The following SNTB2 variants were observed in gnomAD, a reference collection of about 807,000 sequenced individuals.
The protein encoded by SNTB2 is beta-2-syntrophin.
In SNTB2, 34 loss-of-function variants were observed where a neutral mutation model predicts 46.2. That is an observed-to-expected ratio of 0.74 (90% CI 0.56 to 0.98). The LOEUF (loss-of-function observed/expected upper bound fraction) is 0.98, where lower values mean the gene tolerates loss of function less well. SNTB2 is among the 50% of genes least tolerant of loss of function. The probability of loss-of-function intolerance (pLI) is 0.00; values close to 1 mark genes in which losing one functional copy is unlikely to be tolerated. For synonymous variants in SNTB2, 290 were observed against 312.6 expected, an observed-to-expected ratio of 0.93 and a Z score of 0.76; for missense variants, 603 against 731.4, an observed-to-expected ratio of 0.82 and a Z score of 2.02.
rs181553596 is a variant in SNTB2, at chr16:69,244,426, G to C, written c.581-1176G>C. 5.9e-5 allele frequency among the ~76,000 whole-genome samples: 9 copies of C among 152,182 alleles called. No homozygotes were observed. In the East Asian group the frequency reaches 1.7e-3, roughly 29 times the overall value. On this transcript the variant is annotated intron_variant, in intron 1 of 6. Transcript: ENST00000336278. ...TGGAGACAGGGTAGCTAGAAATCTG[G>C]ACTTTTATTATAAAACCTTTTATAC...
rs750332138 is a variant in SNTB2, at chr16:69,260,212, A to G, written c.957A>G (p.Thr319=). 5 of 1,614,046 alleles carry G rather than the reference A, an allele frequency of 3.1e-6. No individual in the cohort carries two copies. In the African/African-American group the frequency reaches 4.0e-5, roughly 13 times the overall value. ...ELNAMLGATS[T]AGGSKEVKHI... The stretch of plus-strand genomic sequence containing the variant: ...ACGCCATGCTTGGGGCAACCAGTAC[A>G]GCAGGAGGCAGTAAAGAGGTGAAGC... The change falls in exon 3 of 7, where the codon ACA becomes ACG. Residue 319 remains threonine, a synonymous_variant. Coordinates refer to ENST00000336278, the MANE Select transcript of SNTB2 (RefSeq NM_006750.4).
intron 1 of SNTB2, among the ~76,000 whole-genome samples, chr16:69,226,643 C>T (rs887362201): frequency 6.6e-6 from 1 of 152,164 alleles, no homozygotes; most frequent in Non-Finnish European, 1.5e-5. Context: ...AGTCCTCCCA[C>T]GTCAGTGTCC....
intron 3 of SNTB2, 100 bp downstream of exon 3, chr16:69,260,360 C>T: frequency 9.5e-7 from 1 of 1,049,002 alleles, no homozygotes; most frequent in Non-Finnish European, 1.4e-6. Flanking sequence ...CAGTTAGGAC[C>T]TGGATATCTA....
chr16:69,203,287 G>T (rs1964182926), intron 1 of SNTB2, among the ~76,000 whole-genome samples: 1 of 152,094 alleles, frequency 6.6e-6, no homozygotes, highest in Non-Finnish European at 1.5e-5. Flanking sequence ...CAAAGTGCTG[G>T]GATTACAGGC....
In SNTB2 at chr16:69,303,188, A is replaced by G. The variant is rs8053471; in HGVS notation, c.*2264A>G. On this transcript the variant is annotated 3_prime_UTR_variant, in exon 7 of 7. Coordinates refer to ENST00000336278, the MANE Select transcript of SNTB2 (RefSeq NM_006750.4). ...GGCCCACAATAAATTTTCATTTCAG[A>G]GAAGGAAAAAAATCTCTTGAACGTC... is the stretch of plus-strand genomic sequence containing the variant. The G allele has an allele frequency of 0.25, 38,123 of 152,102 alleles. 5,115 individuals are homozygous for G. Among genetic ancestry groups the G allele is most frequent in the African/African-American group, 0.31 (12,785 of 41,478 alleles). The allele number at this position is 152,102 out of a possible 1,614,324, so 9.4% of individuals were successfully genotyped here.
intron 1 of SNTB2, among the ~76,000 whole-genome samples, chr16:69,216,703 T>C (rs1471772887): frequency 6.9e-6 from 1 of 144,662 alleles, no homozygotes; most frequent in Non-Finnish European, 1.5e-5. Flanking sequence ...CAAAAAAAAA[T>C]AGAAGTAATG....
intron 1 of SNTB2, among the ~76,000 whole-genome samples, chr16:69,222,747 A>T (rs1038597419): frequency 3.3e-5 from 5 of 152,148 alleles, no homozygotes; most frequent in African/African-American, 1.2e-4. Context: ...TGACTATTTT[A>T]TCTCTTTTCC....
At chr16:69,225,513 T>C (rs1346896381) in intron 1 of SNTB2, among the ~76,000 whole-genome samples, 2 of 152,254 alleles carry the variant, frequency 1.3e-5, no homozygotes, top group Non-Finnish European at 2.9e-5. Context: ...AGTATTTTTA[T>C]ATTTTTCAGT....
intron 4 of SNTB2, 54 bp from the exon 5 acceptor site, chr16:69,283,994 A>AT: frequency 1.4e-6 from 2 of 1,479,284 alleles, no homozygotes; most frequent in Non-Finnish European, 1.8e-6. Context: ...AATTCCTGAC[A>AT]TTTTTGTCTG....
At chr16:69,282,689 G>A (rs1458265898) in intron 4 of SNTB2, among the ~76,000 whole-genome samples, 2 of 86,840 alleles carry the variant, frequency 2.3e-5, no homozygotes, top group Admixed American at 1.0e-4. Context: ...AAAGAGAACT[G>A]ACATCTTAAT....
At chr16:69,242,506 A>G (rs1964627494) in intron 1 of SNTB2, among the ~76,000 whole-genome samples, 1 of 152,224 alleles carries the variant, frequency 6.6e-6, no homozygotes, top group Non-Finnish European at 1.5e-5. Context: ...AATAAATACT[A>G]TGGACTTAAC....
At chr16:69,293,424 A>G (rs540578922) in intron 5 of SNTB2, among the ~76,000 whole-genome samples, 8 of 152,342 alleles carry the variant, frequency 5.3e-5, no homozygotes, top group African/African-American at 1.9e-4. Context: ...AGTGCCAAGT[A>G]GGATGAGGCT....
At chr16:69,269,127 C>G (rs1964913694) in intron 3 of SNTB2, among the ~76,000 whole-genome samples, 2 of 151,546 alleles carry the variant, frequency 1.3e-5, no homozygotes, top group African/African-American at 2.4e-5. Context: ...CGAGATCGCA[C>G]CATTGCACTC....
In SNTB2 at chr16:69,300,998, A is replaced by G. The variant is rs1318826707; in HGVS notation, c.*74A>G. The G allele has an allele frequency of 3.1e-6, 3 of 965,516 alleles. No homozygotes were observed. In the East Asian group the frequency reaches 7.3e-5, roughly 23 times the overall value. The allele number at this position is 965,516 out of a possible 1,614,324, so 59.8% of individuals were successfully genotyped here. On this transcript the variant is annotated 3_prime_UTR_variant, in exon 7 of 7. Coordinates refer to ENST00000336278, the MANE Select transcript of SNTB2 (RefSeq NM_006750.4). ...ACCTCAAAAAAAAAAAAGCACAAAA[A>G]GAAACTCTTTGCTCTCCTTCAGCAC...
intron 4 of SNTB2, among the ~76,000 whole-genome samples, chr16:69,274,881 G>A (rs1964971695): frequency 6.6e-6 from 1 of 152,114 alleles, no homozygotes; most frequent in African/African-American, 2.4e-5. Context: ...TAAAGGTGAG[G>A]AATTCAAACA....
intron 5 of SNTB2, among the ~76,000 whole-genome samples, chr16:69,284,651 G>A (rs1157385460): frequency 5.3e-5 from 8 of 152,060 alleles, no homozygotes; most frequent in Admixed American, 6.6e-5. Context: ...GCATGTGCCT[G>A]TAGTCCCAGC....
At chr16:69,215,003 C>T (rs1338416561) in intron 1 of SNTB2, among the ~76,000 whole-genome samples, 1 of 150,546 alleles carries the variant, frequency 6.6e-6, no homozygotes, top group African/African-American at 2.5e-5. Context: ...GCCACCATGC[C>T]TGACTAATTC....
chr16:69,191,712 C>T (rs1964056519), intron 1 of SNTB2, among the ~76,000 whole-genome samples: 1 of 151,896 alleles, frequency 6.6e-6, no homozygotes, highest in African/African-American at 2.4e-5. Context: ...GCGATCTCAG[C>T]TCACTGCAAG....
At chr16:69,281,802 C>G (rs1965050672) in intron 4 of SNTB2, among the ~76,000 whole-genome samples, 1 of 150,878 alleles carries the variant, frequency 6.6e-6, no homozygotes, top group South Asian at 2.1e-4. Context: ...GAAATCATGC[C>G]ATTGTGCTCC....
Sources: gnomAD v4.1 joint callset for allele counts (sites outside exome capture counted in the v4.1 genomes callset) on GRCh38, gnomAD v4.1.1 for gene constraint, MANE v1.5 for transcripts, NCBI Gene and HGNC (gene_info 2026-07-23, HGNC 2026-07-21) for gene names.